CIBAR1: variants seen among roughly 807,000 people sequenced by gnomAD.
CIBAR1 encodes CBY1 interacting BAR domain containing 1.
A neutral mutation model predicts 44.0 loss-of-function variants in CIBAR1; 25 were observed. The observed-to-expected ratio is 0.57, with a 90% CI of 0.41 to 0.79. CIBAR1 has a LOEUF of 0.79. Ranked by LOEUF, CIBAR1 falls within the 30% of genes least tolerant of loss-of-function variation. The pLI is 0.00. For synonymous variants in CIBAR1, 115 were observed against 119.0 expected (o/e 0.97, Z 0.22); for missense variants, 278 against 344.8 (o/e 0.81, Z 1.53).
chr8:93,709,601 G>T, intron 5 of CIBAR1, 170 bp from the exon 6 acceptor site: 1 of 592,802 alleles, frequency 1.7e-6, no homozygotes, highest in East Asian at 3.1e-5. Context: ...TCTTTATTCT[G>T]CATGTGCTTA....
intron 7 of CIBAR1, among the ~76,000 whole-genome samples, chr8:93,722,673 C>CTGG (rs1432256453): frequency 3.3e-5 from 5 of 151,814 alleles, no homozygotes; most frequent in Non-Finnish European, 7.4e-5. Flanking sequence ...GCACTCCAGC[C>CTGG]TGGGTGACAG....
chr8:93,701,311 G>A lies in CIBAR1; in HGVS notation c.114G>A (p.Val38=). 6.2e-7 allele frequency: 1 copy of A among 1,613,816 alleles called. No individual in the cohort carries two copies. The highest frequency in any genetic ancestry group is 8.5e-7 in the Non-Finnish European group (1 of 1,179,842). ...TGTGCCAAATCTTCGCTGCCTATGT[G>A]CGGAAAACTGCCAGGCTGAGAGACA... The part of the protein sequence containing the change: ...GELCQIFAAY[V]RKTARLRDKA... Residue 38 remains valine, a synonymous_variant, in exon 2 of 9, where the codon GTG becomes GTA. Coordinates refer to ENST00000518322, the MANE Select transcript of CIBAR1 (RefSeq NM_145269.5).
chr8:93,703,317 A>C (rs920163978), intron 2 of CIBAR1, among the ~76,000 whole-genome samples: 3 of 152,242 alleles, frequency 2.0e-5, no homozygotes, highest in African/African-American at 7.2e-5. Context: ...TGCTGAACAC[A>C]CTGAAAATGT....
rs186350330 is a variant in CIBAR1 at position 93,705,826 on chromosome 8, T to C, written c.432+816T>C. ...TTAGCCAGGCATGGTAGTACACACCTGTAGTCCCAGCTACTTGGGAGGCTG... is the reference window on the plus strand; with the variant it reads ...TTAGCCAGGCATGGTAGTACACACCCGTAGTCCCAGCTACTTGGGAGGCTG... On this transcript the variant is annotated intron_variant, in intron 4 of 8. Coordinates refer to ENST00000518322, the MANE Select transcript of CIBAR1 (RefSeq NM_145269.5). The C allele has an allele frequency of 3.8e-3, 572 of 152,454 alleles. 6 individuals carry two copies. The highest frequency in any genetic ancestry group is 0.023 in the South Asian group (112 of 4,828). The allele number at this position is 152,454 out of a possible 1,614,324, so 9.4% of individuals were successfully genotyped here.
At chr8:93,723,551 T>G (rs571140315) in intron 7 of CIBAR1, among the ~76,000 whole-genome samples, 37 of 152,090 alleles carry the variant, frequency 2.4e-4, no homozygotes, top group African/African-American at 8.9e-4. Flanking sequence ...TTTTGCCAAA[T>G]GAATGATGTT....
At chr8:93,704,114 A>G (rs971926306) in intron 3 of CIBAR1, among the ~76,000 whole-genome samples, 1 of 151,926 alleles carries the variant, frequency 6.6e-6, no homozygotes, top group Non-Finnish European at 1.5e-5. Context: ...CATTCTTTTT[A>G]CTCTGAAAGA....
Position 93,704,889 on chromosome 8 carries a change from A to C in CIBAR1, c.331-20A>C. 1 of 1,517,100 alleles carries C rather than the reference A, an allele frequency of 6.6e-7. No homozygotes were observed. The highest frequency in any genetic ancestry group is 8.9e-7 in the Non-Finnish European group (1 of 1,121,148). 94.0% of individuals were successfully genotyped at this position (1,517,100 alleles called of 1,614,324 possible). A position where few individuals can be genotyped will look rare whatever the true frequency, so the allele number is the denominator to read the frequency against. On this transcript the variant is annotated intron_variant, in intron 3 of 8. Coordinates refer to ENST00000518322, the MANE Select transcript of CIBAR1 (RefSeq NM_145269.5). ...TCTTAAGTCAGACATTTTTACTAAC[A>C]AAAAAATGCCAATTTGCAGGATGAC...
chr8:93,724,683 C>T (rs1040348507), intron 7 of CIBAR1: 11 of 1,163,840 alleles, frequency 9.5e-6, no homozygotes, highest in Non-Finnish European at 1.2e-5. Context: ...TAATCTAGAG[C>T]TACACGGTTC....
At chr8:93,709,483 G>C (rs557232128) in intron 5 of CIBAR1, among the ~76,000 whole-genome samples, 2 of 152,106 alleles carry the variant, frequency 1.3e-5, no homozygotes, top group East Asian at 1.9e-4. Context: ...GTTATCCAAG[G>C]GTGTCTGGAA....
At position 93,718,792 on chromosome 8, in the gene CIBAR1, G is replaced by A. The variant is rs1811130535; in HGVS notation, c.657+4G>A. ...TGATGAAGATGAAGATTTAGAGGTA[G>A]GACTATGTCTATCTAAGCTCAGTTC... On this transcript the variant is annotated splice_donor_region_variant and intron_variant, in intron 7 of 8. Transcript: ENST00000518322. 3 of 1,479,034 alleles carry A rather than the reference G, an allele frequency of 2.0e-6. No homozygotes were observed. Among genetic ancestry groups the A allele is most frequent in the South Asian group, 1.3e-5 (1 of 77,006 alleles). The allele number at this position is 1,479,034 out of a possible 1,614,324, so 91.6% of individuals were successfully genotyped here.
intron 2 of CIBAR1, chr8:93,702,507 C>T (rs1286299781): frequency 2.2e-6 from 1 of 454,680 alleles, no homozygotes; most frequent in Non-Finnish European, 4.4e-6. Flanking sequence ...CCCTTGCTTA[C>T]CAAATGGTGG....
chr8:93,718,528 A>C (rs1811118875), intron 6 of CIBAR1, 147 bp from the exon 7 acceptor site: 1 of 431,766 alleles, frequency 2.3e-6, no homozygotes, highest in African/African-American at 2.0e-5. Flanking sequence ...ACTGTTTTTC[A>C]GTTATCTTTT....
chr8:93,701,868 T>A (rs1389011987), intron 2 of CIBAR1: 1 of 217,038 alleles, frequency 4.6e-6, no homozygotes. Context: ...TATTAATAAA[T>A]GGGTAAGACA....
chr8:93,730,492 G>A lies in CIBAR1; in HGVS notation c.*2195G>A, dbSNP rs1023013082. The A allele has an allele frequency of 6.6e-6, 1 of 152,200 alleles. No individual in the cohort carries two copies. The highest frequency in any genetic ancestry group is 2.4e-5 in the African/African-American group (1 of 41,450). The allele number at this position is 152,200 out of a possible 1,614,324, so 9.4% of individuals were successfully genotyped here. ...ACCTCCAGTGTACCTGGTATACCTT[G>A]AGGATAGGAGAGGAAAAACTGGCTA... On this transcript the variant is annotated 3_prime_UTR_variant, in exon 9 of 9. Coordinates refer to ENST00000518322, the MANE Select transcript of CIBAR1 (RefSeq NM_145269.5).
intron 8 of CIBAR1, 82 bp downstream of exon 8, chr8:93,726,595 A>G (rs548362863): frequency 2.5e-4 from 388 of 1,526,816 alleles, no homozygotes; most frequent in Non-Finnish European, 3.3e-4. Flanking sequence ...CCCCTCAGTC[A>G]TATCACCTCG....
At chr8:93,716,563 G>A (rs1811045894) in intron 6 of CIBAR1, among the ~76,000 whole-genome samples, 2 of 152,112 alleles carry the variant, frequency 1.3e-5, no homozygotes, top group South Asian at 4.1e-4. Context: ...TTTATATTGA[G>A]AAAATTAGCC....
chr8:93,718,387 CTTATG>C (rs544038159), intron 6 of CIBAR1, among the ~76,000 whole-genome samples: 36 of 152,166 alleles, frequency 2.4e-4, no homozygotes, highest in African/African-American at 8.0e-4. Context: ...TTAGTCAGAT[CTTATG>C]TTATTATAAA....
chr8:93,704,193 CATT>C (rs1474265768), intron 3 of CIBAR1, among the ~76,000 whole-genome samples: 2 of 151,780 alleles, frequency 1.3e-5, no homozygotes, highest in Non-Finnish European at 1.5e-5. Flanking sequence ...GCAATATAGA[CATT>C]ATTATGGAAA....
intron 7 of CIBAR1, among the ~76,000 whole-genome samples, chr8:93,723,949 A>G (rs999677135): frequency 1.3e-5 from 2 of 152,208 alleles, no homozygotes; most frequent in Non-Finnish European, 2.9e-5. Flanking sequence ...ATAGAGAAAG[A>G]GGCCAAGCGT....
Sources: allele counts gnomAD v4.1 joint callset (sites outside exome capture counted in the v4.1 genomes callset), GRCh38; gene constraint gnomAD v4.1.1; transcripts MANE v1.5; gene names NCBI Gene and HGNC (gene_info 2026-07-23, HGNC 2026-07-21).